AHNAK2: variants seen among roughly 807,000 people sequenced by gnomAD.
AHNAK2 encodes AHNAK nucleoprotein 2.
A neutral mutation model predicts 30.7 loss-of-function variants in AHNAK2; 18 were observed. The observed-to-expected ratio is 0.59, with a 90% CI of 0.41 to 0.87. The LOEUF (loss-of-function observed/expected upper bound fraction) is 0.87. Among genes scored for constraint, AHNAK2 ranks in the 40% least tolerant of loss-of-function variants. The pLI is 0.00. For missense variants in AHNAK2, 8,604 were observed against 7,373.0 expected (o/e 1.17, Z -6.11); for synonymous variants, 3,590 against 3,073.8 (o/e 1.17, Z -5.56).
Position 104,944,153 on chromosome 14 carries a change from C to T in AHNAK2, c.11298G>A (p.Leu3766=). 1 of 1,613,526 alleles carries T rather than the reference C, an allele frequency of 6.2e-7. No homozygotes were observed. Among genetic ancestry groups the T allele is most frequent in the Non-Finnish European group, 8.5e-7 (1 of 1,179,778 alleles). The change falls in exon 7 of 7, where the codon CTG becomes CTA. Residue 3766 remains leucine (L), a synonymous_variant. Transcript: ENST00000333244. ...EVTAPDVEVS[L]PSVEVDVQAP... ...CCTGGACGTCCACCTCCACGCTGGGCAGAGACACCTCCACATCAGGGGCTG... is the reference window on the plus strand; with the variant it reads ...CCTGGACGTCCACCTCCACGCTGGGTAGAGACACCTCCACATCAGGGGCTG...
Position 104,943,958 on chromosome 14 carries a change from G to A in AHNAK2, c.11493C>T (p.Pro3831=). 6.2e-7 allele frequency: 1 copy of A among 1,612,494 alleles called. No individual in the cohort carries two copies. The change falls in exon 7 of 7, where the codon CCC becomes CCT. Residue 3831 remains proline (P), a synonymous_variant. Transcript: ENST00000333244. ...GGAGACTCACATCGGCCTCCACCTTGGGTGCAGACACGTGCACCGAGGCCT... is the reference window on the plus strand; with the variant it reads ...GGAGACTCACATCGGCCTCCACCTTAGGTGCAGACACGTGCACCGAGGCCT... The part of the protein sequence containing the change: ...SIEASVHVSA[P]KVEADVSLPS...
At position 104,947,093 on chromosome 14, in the gene AHNAK2, C is replaced by A; in HGVS notation, c.8358G>T (p.Pro2786=). The A allele has an allele frequency of 6.2e-7, 1 of 1,612,464 alleles. No homozygotes were observed. The highest frequency in any genetic ancestry group is 8.5e-7 in the Non-Finnish European group (1 of 1,179,606). Residue 2786 remains proline (P), a synonymous_variant, in exon 7 of 7, where the codon CCG becomes CCT. Transcript: ENST00000333244. ...LSSMEVDVQA[P]RAKLDGARLE... ...GCCGCGCACCATCCAGCTTTGCTCT[C>A]GGGGCCTGGACGTCCACCTCCATGC...
In AHNAK2 at chr14:104,947,006, C is replaced by T; in HGVS notation, c.8445G>A (p.Met2815Ile). Reference protein sequence around the residue: ...GMTAKDSKFKMPKFKMPSFGV... With the variant: ...GMTAKDSKFKIPKFKMPSFGV... Reference sequence around the variant, plus strand: ...CGAATGACGGCATCTTGAACTTGGGCATTTTGAACTTGCTGTCTTTGGCTG... The same window carrying T: ...CGAATGACGGCATCTTGAACTTGGGTATTTTGAACTTGCTGTCTTTGGCTG... Residue 2815 changes from methionine to isoleucine, a missense_variant, in exon 7 of 7, where the codon ATG becomes ATA. By Grantham distance (10) the Met-to-Ile change is conservative (BLOSUM62 1). Coordinates refer to ENST00000333244, the MANE Select transcript of AHNAK2 (RefSeq NM_138420.4). 3 of 1,612,444 alleles carry T rather than the reference C, an allele frequency of 1.9e-6. No homozygotes were observed. The highest frequency in any genetic ancestry group is 2.5e-6 in the Non-Finnish European group (3 of 1,179,644).
rs764167708 is a variant in AHNAK2, at chr14:104,947,001, T to C, written c.8450A>G (p.Lys2817Arg). Residue 2817 changes from lysine to arginine, a missense_variant, in exon 7 of 7, where the codon AAG becomes AGG. Coordinates refer to ENST00000333244, the MANE Select transcript of AHNAK2 (RefSeq NM_138420.4). ...TAKDSKFKMPKFKMPSFGVSA... is the reference protein window; with the variant it reads ...TAKDSKFKMPRFKMPSFGVSA... ...CACCCCGAATGACGGCATCTTGAAC[T>C]TGGGCATTTTGAACTTGCTGTCTTT... 1 of 1,612,266 alleles carries C rather than the reference T, an allele frequency of 6.2e-7. No homozygotes were observed. The highest frequency in any genetic ancestry group is 2.2e-5 in the East Asian group (1 of 44,700).
At position 104,942,606 on chromosome 14, in the gene AHNAK2, C is replaced by T; in HGVS notation, c.12845G>A (p.Gly4282Asp). 2 of 1,613,214 alleles carry T rather than the reference C, an allele frequency of 1.2e-6. No homozygotes were observed. Among genetic ancestry groups the T allele is most frequent in the Non-Finnish European group, 1.7e-6 (2 of 1,179,632 alleles). ...GAKLDSVRLE[G>D]DLSLADKDMT... is the part of the protein sequence containing the mutation. ...GTCCTTGTCGGCTAGGGACAGGTCA[C>T]CCTCCAGCCGCACACTGTCCAGCTT... is the stretch of plus-strand genomic sequence containing the variant. The change falls in exon 7 of 7, where the codon GGT becomes GAT. Residue 4282 changes from glycine to aspartate, a missense_variant. Physicochemically the swap from Gly to Asp is moderately conservative, Grantham distance 94. Transcript: ENST00000333244.
chr14:104,940,646 G>A lies in AHNAK2; in HGVS notation c.14805C>T (p.Ala4935=). 6.2e-7 allele frequency: 1 copy of A among 1,613,520 alleles called. No individual in the cohort carries two copies. The highest frequency in any genetic ancestry group is 1.7e-5 in the Admixed American group (1 of 60,014). ...LVASLQTSVV[A]PGEAPSEDAD... is the part of the protein sequence containing the mutation. The stretch of plus-strand genomic sequence containing the variant: ...CATCTTCAGAAGGGGCTTCTCCAGG[G>A]GCCACTACTGATGTCTGCAAGGAGG... The change falls in exon 7 of 7, where the codon GCC becomes GCT. Residue 4935 remains alanine, a synonymous_variant. Transcript: ENST00000333244. This position sits in a 1 kb window ranked among gnomAD's most constrained non-coding sequence, Gnocchi z 4.4.
Position 104,948,066 on chromosome 14 carries a change from C to T in AHNAK2, c.7385G>A (p.Gly2462Asp). Residue 2462 changes from glycine to aspartate, a missense_variant, in exon 7 of 7, where the codon GGT becomes GAT. Coordinates refer to ENST00000333244, the MANE Select transcript of AHNAK2 (RefSeq NM_138420.4). ...DVEAPGAKLD[G>D]AWLEGDLSVA... Reference sequence around the variant, plus strand: ...AGACAGGTCCCCCTCCAGCCACGCACCATCCAGCTTGGCTCCCGGGGCCTC... The same window carrying T: ...AGACAGGTCCCCCTCCAGCCACGCATCATCCAGCTTGGCTCCCGGGGCCTC... 1 of 1,613,064 alleles carries T rather than the reference C, an allele frequency of 6.2e-7. No individual in the cohort carries two copies. The highest frequency in any genetic ancestry group is 8.5e-7 in the Non-Finnish European group (1 of 1,179,734).
chr14:104,961,131 C>CA (rs34813519), intron 1 of AHNAK2, among the ~76,000 whole-genome samples: 2,510 of 130,876 alleles, frequency 0.019, 34 homozygotes, highest in African/African-American at 0.049. Context: ...ACTCTGTCTC[C>CA]AAAAAAAAAA....
chr14:104,958,145 GA>G (rs1430301890), intron 1 of AHNAK2, among the ~76,000 whole-genome samples: 1 of 152,206 alleles, frequency 6.6e-6, no homozygotes, highest in African/African-American at 2.4e-5. Context: ...AGACTTCAAA[GA>G]AACTATTAAA....
At chr14:104,969,671 G>C (rs1260831070) in intron 1 of AHNAK2, among the ~76,000 whole-genome samples, 2 of 152,216 alleles carry the variant, frequency 1.3e-5, no homozygotes, top group Admixed American at 1.3e-4. Context: ...AGTTGATGGG[G>C]ATGGGAGGGC....
Position 104,938,198 on chromosome 14 carries a change from G to T in AHNAK2, c.17253C>A (p.Ile5751=). ...AGTCCAGCCCAGTGCCCACAGGCCC[G>T]ATCAGTTCACCCTCTTCCTTCTCTT... The part of the protein sequence containing the change: ...SPEEKEEGEL[I]GPVGTGLDSR... The change falls in exon 7 of 7, where the codon ATC becomes ATA. Residue 5751 remains isoleucine (I), a synonymous_variant. Coordinates refer to ENST00000333244, the MANE Select transcript of AHNAK2 (RefSeq NM_138420.4). The T allele has an allele frequency of 3.1e-6, 5 of 1,613,880 alleles. No homozygotes were observed. Among genetic ancestry groups the T allele is most frequent in the Non-Finnish European group, 4.2e-6 (5 of 1,179,884 alleles).
rs372201405 is a variant in AHNAK2, at chr14:104,952,241, G to C, written c.3210C>G (p.His1070Gln). 4.8e-5 allele frequency: 78 copies of C among 1,611,718 alleles called. No homozygotes were observed. In the Middle Eastern group the frequency reaches 1.2e-3, roughly 24 times the overall value. Residue 1070 changes from histidine (H) to glutamine (Q), a missense_variant, in exon 7 of 7, where the codon CAC (histidine) becomes CAG (glutamine). His to Gln is a conservative substitution (Grantham distance 24, BLOSUM62 0). Transcript: ENST00000333244. ...CTTTAAGGCCAGCTCCCTCGGGCAGGTGGCCCTCCGGGAGCTTCACATCCA... is the reference window on the plus strand; with the variant it reads ...CTTTAAGGCCAGCTCCCTCGGGCAGCTGGCCCTCCGGGAGCTTCACATCCA... ...DQVDVKLPEG[H>Q]LPEGAGLKGH...
Position 104,946,787 on chromosome 14 carries a change from C to A in AHNAK2, c.8664G>T (p.Glu2888Asp). 1 of 1,612,768 alleles carries A rather than the reference C, an allele frequency of 6.2e-7. No individual in the cohort carries two copies. The highest frequency in any genetic ancestry group is 8.5e-7 in the Non-Finnish European group (1 of 1,179,598). Residue 2888 changes from glutamate (E) to aspartate (D), a missense_variant, in exon 7 of 7, where the codon GAG (glutamate) becomes GAT (aspartate). Transcript: ENST00000333244. The part of the protein sequence containing the change: ...DVKLPEGHVP[E>D]GAGLKGHLPK... ...GCAGGTGCCCTTTGAGGCCGGCTCC[C>A]TCGGGAACGTGGCCCTCTGGGAGTT...
chr14:104,977,626 G>GA (rs1414515343), intron 1 of AHNAK2, among the ~76,000 whole-genome samples: 1 of 152,194 alleles, frequency 6.6e-6, no homozygotes, highest in African/African-American at 2.4e-5. Flanking sequence ...ACGCAGCCCA[G>GA]CCCTGCCTGG....
rs1898252800 is a variant in AHNAK2 at position 104,946,098 on chromosome 14, G to T, written c.9353C>A (p.Ala3118Asp). ...CTCCAGCCGTGCACCATCCAACTTG[G>T]CTCCTGGGGCCTCGACATCCACCTC... Reference protein sequence around the residue: ...GMEVDVEAPGAKLDGARLEGD... With the variant: ...GMEVDVEAPGDKLDGARLEGD... Residue 3118 changes from alanine (A) to aspartate (D), a missense_variant, in exon 7 of 7, where the codon GCC becomes GAC. Transcript: ENST00000333244. 1 of 1,610,912 alleles carries T rather than the reference G, an allele frequency of 6.2e-7. No homozygotes were observed.
At position 104,942,324 on chromosome 14, in the gene AHNAK2, C is replaced by T. The variant is rs1566898260; in HGVS notation, c.13127G>A (p.Gly4376Asp). 1 of 1,613,368 alleles carries T rather than the reference C, an allele frequency of 6.2e-7. No homozygotes were observed. Among genetic ancestry groups the T allele is most frequent in the African/African-American group, 1.3e-5 (1 of 74,966 alleles). Residue 4376 changes from glycine to aspartate, a missense_variant, in exon 7 of 7, where the codon GGC becomes GAC. By Grantham distance (94) the Gly-to-Asp change is moderately conservative. Coordinates refer to ENST00000333244, the MANE Select transcript of AHNAK2 (RefSeq NM_138420.4). ...CAGCTTCGGCAGGTGCCCTTTGAGG[C>T]CGGCTCCCTCATGCACAGGGCCCTC... is the stretch of plus-strand genomic sequence containing the variant. ...LPEGPVHEGA[G>D]LKGHLPKLQM...
chr14:104,961,671 T>C (rs985542181), intron 1 of AHNAK2, among the ~76,000 whole-genome samples: 20 of 151,886 alleles, frequency 1.3e-4, no homozygotes, highest in African/African-American at 2.7e-4. Flanking sequence ...AAGCCAATAG[T>C]GGAACCAAAA....
chr14:104,961,739 G>C (rs1899155410), intron 1 of AHNAK2, among the ~76,000 whole-genome samples: 1 of 152,176 alleles, frequency 6.6e-6, no homozygotes, highest in African/African-American at 2.4e-5. Flanking sequence ...TTAGGAGACC[G>C]AGGCAGGAGG....
Position 104,953,594 on chromosome 14 carries a change from T to G in AHNAK2, c.1857A>C (p.Ala619=). ...GTCTCTGTTCTCTTCTATCAGCTGT[T>G]GCTGTGGCCTCTCCTTCCCTTCCCT... ...TEQGREGEAT[A]TADRREQRRT... is the part of the protein sequence containing the mutation. The change falls in exon 7 of 7, where the codon GCA becomes GCC. Residue 619 remains alanine, a synonymous_variant. Transcript: ENST00000333244. The G allele has an allele frequency of 6.2e-7, 1 of 1,614,026 alleles. No homozygotes were observed. Among genetic ancestry groups the G allele is most frequent in the South Asian group, 1.1e-5 (1 of 91,084 alleles).
Sources: gnomAD v4.1 joint callset for allele counts (sites outside exome capture counted in the v4.1 genomes callset) on GRCh38, gnomAD v4.1.1 for gene constraint, Gnocchi (gnomAD v3.1) non-coding constraint, MANE v1.5 for transcripts, NCBI Gene and HGNC (gene_info 2026-07-23, HGNC 2026-07-21) for gene names.